The following DTNBP1 variants were observed in gnomAD, a reference collection of about 807,000 sequenced individuals.
DTNBP1 encodes dystrobrevin binding protein 1, also known as dysbindin.
Under a neutral mutation model 42.8 loss-of-function variants are expected in DTNBP1, and 35 were observed. The ratio of observed to expected loss-of-function variants is 0.82; its 90% CI spans 0.63 to 1.09. The LOEUF is 1.09. Ranked by LOEUF, DTNBP1 falls within the 50% of genes least tolerant of loss-of-function variation. The pLI, the probability that DTNBP1 is intolerant of heterozygous loss-of-function variation, is 0.00. For missense variants in DTNBP1, 457 were observed against 424.2 expected (o/e 1.08, Z -0.68); for synonymous variants, 171 against 162.2 (o/e 1.05, Z -0.41).
At chr6:15,613,232 G>A (rs1295177022) in intron 6 of DTNBP1, among the ~76,000 whole-genome samples, 5 of 151,220 alleles carry the variant, frequency 3.3e-5, no homozygotes, top group Non-Finnish European at 5.9e-5. Flanking sequence ...TAACCCAGGA[G>A]GCGGAGGTTG....
intron 8 of DTNBP1, among the ~76,000 whole-genome samples, chr6:15,528,525 A>C (rs1223920147): frequency 1.3e-5 from 2 of 152,248 alleles, no homozygotes; most frequent in African/African-American, 4.8e-5. Context: ...GGGCGGCAGA[A>C]GAATGGAGCC....
intron 2 of DTNBP1, 97 bp downstream of exon 2, chr6:15,651,990 A>G (rs1254974434): frequency 1.7e-5 from 19 of 1,100,152 alleles, no homozygotes; most frequent in Non-Finnish European, 2.6e-5. Flanking sequence ...CACTCAACAA[A>G]TCTAAGGTTC....
chr6:15,625,124 A>G (rs1475647715), intron 5 of DTNBP1, among the ~76,000 whole-genome samples: 2 of 152,212 alleles, frequency 1.3e-5, no homozygotes, highest in African/African-American at 2.4e-5. Context: ...AAGTTTTGAT[A>G]TGCTATCTTC....
At chr6:15,533,214 C>T (rs775297230) in intron 8 of DTNBP1, 26 bp downstream of exon 8, 1 of 1,612,378 alleles carries the variant, frequency 6.2e-7, no homozygotes, top group South Asian at 1.1e-5. Flanking sequence ...TGAGTCCCCA[C>T]ACCAGCAGCC....
chr6:15,584,917 GT>G (rs1241875288), intron 7 of DTNBP1, among the ~76,000 whole-genome samples: 1 of 147,090 alleles, frequency 6.8e-6, no homozygotes, highest in Non-Finnish European at 1.5e-5. Context: ...AATTTTTCAG[GT>G]ATTTTTTGCA....
chr6:15,605,111 T>C (rs1757968129), intron 6 of DTNBP1, among the ~76,000 whole-genome samples: 1 of 152,208 alleles, frequency 6.6e-6, no homozygotes, highest in Non-Finnish European at 1.5e-5. Flanking sequence ...TGCTGTGTAC[T>C]GAAGGGGAAA....
chr6:15,610,075 C>T (rs1758307877), intron 6 of DTNBP1, among the ~76,000 whole-genome samples: 1 of 152,202 alleles, frequency 6.6e-6, no homozygotes, highest in Non-Finnish European at 1.5e-5. Context: ...TGTATGTCTA[C>T]CTGTCCTCAA....
At chr6:15,652,620 G>A (rs1282241154) in intron 1 of DTNBP1, among the ~76,000 whole-genome samples, 4 of 151,736 alleles carry the variant, frequency 2.6e-5, no homozygotes, top group African/African-American at 4.8e-5. Context: ...TACTACAAAC[G>A]GAAAATCTGT....
chr6:15,656,348 T>C (rs1422630587), intron 1 of DTNBP1, among the ~76,000 whole-genome samples: 1 of 152,222 alleles, frequency 6.6e-6, no homozygotes, highest in Non-Finnish European at 1.5e-5. Flanking sequence ...TAATGACAAC[T>C]TTCAAGTTCA....
chr6:15,538,754 C>T (rs540699865), intron 7 of DTNBP1, among the ~76,000 whole-genome samples: 75 of 152,324 alleles, frequency 4.9e-4, no homozygotes, highest in Admixed American at 1.8e-3. Flanking sequence ...CACCCTGCTC[C>T]GCTGAGTTTG....
intron 7 of DTNBP1, among the ~76,000 whole-genome samples, chr6:15,557,129 G>C (rs868432108): frequency 1.3e-4 from 20 of 152,152 alleles, no homozygotes; most frequent in Middle Eastern, 3.4e-3. Flanking sequence ...AAGTTGCTAA[G>C]AGTTAATACC....
At chr6:15,625,618 A>G (rs1194904088) in intron 5 of DTNBP1, among the ~76,000 whole-genome samples, 1 of 152,234 alleles carries the variant, frequency 6.6e-6, no homozygotes, top group African/African-American at 2.4e-5. Flanking sequence ...TAGAGACTGC[A>G]TTTTCTAAAC....
chr6:15,636,768 G>C (rs912823180), intron 4 of DTNBP1, among the ~76,000 whole-genome samples: 2 of 152,092 alleles, frequency 1.3e-5, no homozygotes, highest in African/African-American at 4.8e-5. Context: ...TTAGTATTTT[G>C]ATCCCGACTT....
chr6:15,647,717 C>A (rs1760768335), intron 3 of DTNBP1, among the ~76,000 whole-genome samples: 1 of 151,686 alleles, frequency 6.6e-6, no homozygotes, highest in Admixed American at 6.6e-5. Flanking sequence ...CCCACAAACA[C>A]AAAACATACC....
chr6:15,635,704 A>G (rs1486563266), intron 4 of DTNBP1, among the ~76,000 whole-genome samples: 1 of 151,974 alleles, frequency 6.6e-6, no homozygotes, highest in African/African-American at 2.4e-5. Flanking sequence ...CTGCCTATCA[A>G]TTCTTCTTTC....
At chr6:15,651,261 G>T in intron 3 of DTNBP1, 52 bp downstream of exon 3, 2 of 1,498,058 alleles carry the variant, frequency 1.3e-6, no homozygotes, top group Non-Finnish European at 1.9e-6. Flanking sequence ...AGATATTTTT[G>T]GTCAGTAAAA....
At chr6:15,636,275 C>T (rs1760017638) in intron 4 of DTNBP1, among the ~76,000 whole-genome samples, 1 of 150,942 alleles carries the variant, frequency 6.6e-6, no homozygotes, top group African/African-American at 2.4e-5. Flanking sequence ...CTCAGCCTCC[C>T]GAGTAGTTGG....
At chr6:15,660,246 T>C (rs145783768) in intron 1 of DTNBP1, 13 of 792,838 alleles carry the variant, frequency 1.6e-5, no homozygotes, top group African/African-American at 9.0e-5. Flanking sequence ...TACCAACATA[T>C]AATAAACACA....
chr6:15,584,604 G>T (rs1308768950), intron 7 of DTNBP1, among the ~76,000 whole-genome samples: 2 of 151,458 alleles, frequency 1.3e-5, no homozygotes, highest in Non-Finnish European at 2.9e-5. Flanking sequence ...GTGAGAGAGG[G>T]ACACAAAGAA....
Sources: gnomAD v4.1 joint callset for allele counts (sites outside exome capture counted in the v4.1 genomes callset) on GRCh38, gnomAD v4.1.1 for gene constraint, MANE v1.5 for transcripts, NCBI Gene and HGNC (gene_info 2026-07-23, HGNC 2026-07-21) for gene names.